Variants in TPP1 observed in about 807,000 individuals in gnomAD.
The protein encoded by TPP1 is tripeptidyl-peptidase 1.
In TPP1, 43 loss-of-function variants were observed where a neutral mutation model predicts 67.6. The ratio of observed to expected loss-of-function variants is 0.64; its 90% CI spans 0.50 to 0.82. The LOEUF is 0.82. TPP1 is among the 40% of genes least tolerant of loss of function. The pLI is 0.00. For synonymous variants in TPP1, 272 were observed against 281.5 expected (o/e 0.97, Z 0.34); for missense variants, 671 against 710.9 (o/e 0.94, Z 0.64).
In TPP1 at chr11:6,614,687, C is replaced by G; in HGVS notation, c.1552-1G>C. The G allele has an allele frequency of 1.2e-6, 2 of 1,614,094 alleles. No individual in the cohort carries two copies. Among genetic ancestry groups the G allele is most frequent in the Non-Finnish European group, 1.7e-6 (2 of 1,180,004 alleles). ...AGGACTCATGGCAGCCACGGGTTAC[C>G]TAGGGAGGAGGCTGGCATCAGATCT... is the stretch of plus-strand genomic sequence containing the variant. On this transcript the variant is annotated splice_acceptor_variant, in intron 12 of 12. Coordinates refer to ENST00000299427, the MANE Select transcript of TPP1 (RefSeq NM_000391.4). LOFTEE classifies it high-confidence loss of function.
Position 6,617,564 on chromosome 11 carries a change from C to T in TPP1, c.380+62G>A, listed in dbSNP as rs1855605588. On this transcript the variant is annotated intron_variant, in intron 4 of 12. Transcript: ENST00000299427. ...CAAGCCCCAGCAAGCTCTCAACTCC[C>T]TCCCATCCATCTCACTGATGGGATG... is the stretch of plus-strand genomic sequence containing the variant. The T allele has an allele frequency of 2.5e-6, 4 of 1,613,348 alleles. No individual in the cohort carries two copies. The Middle Eastern group carries it at 5.3e-4, about 214-fold the overall frequency.
At position 6,619,186 on chromosome 11, in the gene TPP1, G is replaced by C. The variant is rs896128628; in HGVS notation, c.89+10C>G. 1 of 1,613,968 alleles carries C rather than the reference G, an allele frequency of 6.2e-7. No individual in the cohort carries two copies. The highest frequency in any genetic ancestry group is 1.3e-5 in the African/African-American group (1 of 74,904). On this transcript the variant is annotated intron_variant, in intron 2 of 12. Transcript: ENST00000299427. ...TGGGGAAGGGGGCAGTCTGTGCTAA[G>C]TCAACTCACGTCCTCCGCTGGTCGG...
chr11:6,615,664 A>G, intron 9 of TPP1, 102 bp from the exon 10 acceptor site: 1 of 1,466,988 alleles, frequency 6.8e-7, no homozygotes, highest in South Asian at 1.1e-5. Flanking sequence ...GAGGAACTAG[A>G]CTCTGTGGGG....
chr11:6,619,090 G>T, intron 2 of TPP1, 106 bp downstream of exon 2: 1 of 1,485,166 alleles, frequency 6.7e-7, no homozygotes. Context: ...TGAAGCTATG[G>T]AGTGCGTACT....
At chr11:6,615,645 G>T (rs779734042) in intron 9 of TPP1, 83 bp from the exon 10 acceptor site, 1 of 1,563,646 alleles carries the variant, frequency 6.4e-7, no homozygotes, top group South Asian at 1.1e-5. Context: ...TATAGCCCAG[G>T]TCTTGCTGGA....
chr11:6,619,076 G>C (rs1855629902), intron 2 of TPP1, 120 bp downstream of exon 2: 1 of 1,472,292 alleles, frequency 6.8e-7, no homozygotes, highest in African/African-American at 1.4e-5. Flanking sequence ...TAGGAACATA[G>C]AGATGAAGCT....
In TPP1 at chr11:6,616,513, T is replaced by A; in HGVS notation, c.887-10A>T. On this transcript the variant is annotated splice_polypyrimidine_tract_variant and intron_variant, in intron 7 of 12. Transcript: ENST00000299427. ...TGTCCCTCATGCCGGCCTGGATTTT[T>A]TTTTTTTTTTTTTTTGAGGGATGGG... 8.1e-7 allele frequency: 1 copy of A among 1,239,082 alleles called. No individual in the cohort carries two copies. The highest frequency in any genetic ancestry group is 3.2e-5 in the East Asian group (1 of 30,974). 76.8% of individuals were successfully genotyped at this position (1,239,082 alleles called of 1,614,324 possible).
At position 6,616,366 on chromosome 11, in the gene TPP1, T is replaced by A; in HGVS notation, c.1024A>T (p.Thr342Ser). ...CGAGCGGCAGCCTTCATGAGCTCAG[T>A]GTTGACCCGCTGGATGTAGGCGCTG... ...LSSAYIQRVN[T>S]ELMKAAARGL... The change falls in exon 8 of 13, where the codon ACT becomes TCT. Residue 342 changes from threonine (T) to serine (S), a missense_variant. Transcript: ENST00000299427. 6.2e-7 allele frequency: 1 copy of A among 1,613,846 alleles called. No homozygotes were observed. The highest frequency in any genetic ancestry group is 8.5e-7 in the Non-Finnish European group (1 of 1,179,994).
Position 6,616,702 on chromosome 11 carries a change from C to T in TPP1, c.845G>A (p.Ser282Asn), listed in dbSNP as rs796053440. 6.2e-7 allele frequency: 1 copy of T among 1,613,950 alleles called. No individual in the cohort carries two copies. Among genetic ancestry groups the T allele is most frequent in the Non-Finnish European group, 8.5e-7 (1 of 1,180,014 alleles). ...EASLDVQYLMSAGANISTWVY... is the reference protein window; with the variant it reads ...EASLDVQYLMNAGANISTWVY... ...CCAGGTGGAGATGTTGGCACCAGCA[C>T]TCATCAGGTACTGCACATCTAGACT... Residue 282 changes from serine (S) to asparagine (N), a missense_variant, in exon 7 of 13, where the codon AGT becomes AAT. Transcript: ENST00000299427.
In TPP1 at chr11:6,616,771, C is replaced by T. The variant is rs140176031; in HGVS notation, c.776G>A (p.Arg259His). The T allele has an allele frequency of 7.1e-5, 115 of 1,613,962 alleles. 1 individual carries two copies. In the African/African-American group the frequency reaches 8.5e-4, roughly 12 times the overall value. Residue 259 changes from arginine to histidine, a missense_variant, in exon 7 of 13, where the codon CGT becomes CAT. Transcript: ENST00000299427. Reference protein sequence around the residue: ...GNFAHQASVARVVGQQGRGRA... With the variant: ...GNFAHQASVAHVVGQQGRGRA... ...GCCCCGGCCCTGTTGTCCAACCACACGGGCTACTGATGCCTGATGTGCAAA... is the reference window on the plus strand; with the variant it reads ...GCCCCGGCCCTGTTGTCCAACCACATGGGCTACTGATGCCTGATGTGCAAA...
In TPP1 at chr11:6,615,174, G is replaced by A. The variant is rs776302678; in HGVS notation, c.1422C>T (p.Thr474=). ...TTGGAGATGGGCTGATTCTCACCGA[G>A]GTTCCGGACACCCATGGAATGGGCA... is the stretch of plus-strand genomic sequence containing the variant. The part of the protein sequence containing the change: ...NRVPIPWVSG[T]SASTPVFGGI... Residue 474 remains threonine, a synonymous_variant, in exon 11 of 13, where the codon ACC becomes ACT. Transcript: ENST00000299427. The A allele has an allele frequency of 1.2e-6, 2 of 1,614,172 alleles. No individual in the cohort carries two copies. The highest frequency in any genetic ancestry group is 3.3e-5 in the Admixed American group (2 of 60,030).
intron 2 of TPP1, 47 bp from the exon 3 acceptor site, chr11:6,618,962 G>A (rs1589949488): frequency 1.9e-6 from 3 of 1,606,942 alleles, no homozygotes; most frequent in East Asian, 2.2e-5. Flanking sequence ...GGGTGGAGAT[G>A]GAAAATATTG....
chr11:6,616,482 G>A lies in TPP1; in HGVS notation c.908C>T (p.Pro303Leu), dbSNP rs761839654. The A allele has an allele frequency of 6.2e-7, 1 of 1,609,606 alleles. No homozygotes were observed. Among genetic ancestry groups the A allele is most frequent in the Non-Finnish European group, 8.5e-7 (1 of 1,179,626 alleles). Reference sequence around the variant, plus strand: ...GAGCAGCATGAGCCACTGCAGGAAGGGCTCCTGTCCCTCATGCCGGCCTGG... The same window carrying A: ...GAGCAGCATGAGCCACTGCAGGAAGAGCTCCTGTCCCTCATGCCGGCCTGG... ...SSPGRHEGQE[P>L]FLQWLMLLSN... Residue 303 changes from proline (P) to leucine (L), a missense_variant, in exon 8 of 13, where the codon CCC (proline) becomes CTC (leucine). By Grantham distance (98) the Pro-to-Leu change is moderately conservative (BLOSUM62 -3). Coordinates refer to ENST00000299427, the MANE Select transcript of TPP1 (RefSeq NM_000391.4).
chr11:6,614,439 A>G lies in TPP1; in HGVS notation c.*107T>C. On this transcript the variant is annotated 3_prime_UTR_variant, in exon 13 of 13. Coordinates refer to ENST00000299427, the MANE Select transcript of TPP1 (RefSeq NM_000391.4). Reference sequence around the variant, plus strand: ...AGGGTTAGGGAGATAAGCTGTCTGCAGCAGTCAATAGTTGAGGGTTCAGCA... The same window carrying G: ...AGGGTTAGGGAGATAAGCTGTCTGCGGCAGTCAATAGTTGAGGGTTCAGCA... 2 of 1,485,612 alleles carry G rather than the reference A, an allele frequency of 1.3e-6. No individual in the cohort carries two copies. Among genetic ancestry groups the G allele is most frequent in the African/African-American group, 1.4e-5 (1 of 72,608 alleles). 92.0% of individuals were successfully genotyped at this position (1,485,612 alleles called of 1,614,324 possible).
Position 6,617,160 on chromosome 11 carries a change from G to A in TPP1, c.509-7C>T, listed in dbSNP as rs749686418. ...AAACGGTGCAGTCCCCCCACTGTAG[G>A]GAGAAGTCAGGCTTGAGGAGATCTT... On this transcript the variant is annotated splice_region_variant and splice_polypyrimidine_tract_variant and intron_variant, in intron 5 of 12. Coordinates refer to ENST00000299427, the MANE Select transcript of TPP1 (RefSeq NM_000391.4). 1.3e-5 allele frequency: 21 copies of A among 1,614,050 alleles called. No homozygotes were observed. The highest frequency in any genetic ancestry group is 1.7e-5 in the Non-Finnish European group (20 of 1,179,978).
At position 6,615,522 on chromosome 11, in the gene TPP1, G is replaced by T. The variant is rs766934252; in HGVS notation, c.1186C>A (p.Pro396Thr). ...TTVGGTSFQE[P>T]FLITNEIVDY... ...ACAATTTCATTTGTGATGAGGAAAG[G>T]TTCCTGGAAGGATGTGCCTCCCACT... Residue 396 changes from proline (P) to threonine (T), a missense_variant, in exon 10 of 13, where the codon CCT (proline) becomes ACT (threonine). Pro to Thr is a conservative substitution (Grantham distance 38). Coordinates refer to ENST00000299427, the MANE Select transcript of TPP1 (RefSeq NM_000391.4). 1.9e-6 allele frequency: 3 copies of T among 1,614,204 alleles called. No individual in the cohort carries two copies. Among genetic ancestry groups the T allele is most frequent in the Non-Finnish European group, 2.5e-6 (3 of 1,180,038 alleles).
At chr11:6,617,846 C>T (rs2134596488) in intron 3 of TPP1, 70 bp from the exon 4 acceptor site, 1 of 1,607,864 alleles carries the variant, frequency 6.2e-7, no homozygotes, top group Non-Finnish European at 8.5e-7. Flanking sequence ...TGGACCTCAA[C>T]TATGAGACAT....
chr11:6,615,091 G>T, intron 11 of TPP1, 80 bp downstream of exon 11: 1 of 1,613,756 alleles, frequency 6.2e-7, no homozygotes, highest in Non-Finnish European at 8.5e-7. Flanking sequence ...GGAGTCAGGG[G>T]TTCTAGGTGC....
chr11:6,614,868 CAA>C lies in TPP1; in HGVS notation c.1547_1548del (p.Phe516Ter), dbSNP rs763961289. 1.2e-6 allele frequency: 2 copies of C among 1,614,120 alleles called. No individual in the cohort carries two copies. The highest frequency in any genetic ancestry group is 1.3e-5 in the African/African-American group (1 of 75,028). ...ACACCCTTCCCTTCCATACTTACAT[CAA>C]AGAGTCCTGCCCCATGCTGCTGGTA... ...RLYQQHGAGL[F>X]DVTRGCHESC... On this transcript the variant is annotated frameshift_variant, in exon 12 of 13. Transcript: ENST00000299427. LOFTEE classifies it high-confidence loss of function.
Sources: gnomAD v4.1 joint callset for allele counts on GRCh38, gnomAD v4.1.1 for gene constraint, MANE v1.5 for transcripts, NCBI Gene and HGNC (gene_info 2026-07-23, HGNC 2026-07-21) for gene names.